The following GRM5 variants were observed in gnomAD, a reference collection of about 807,000 sequenced individuals.
GRM5 encodes metabotropic glutamate receptor 5.
In GRM5, 19 loss-of-function variants were observed where a neutral mutation model predicts 83.1. The observed-to-expected ratio is 0.23, with a 90% CI of 0.16 to 0.34. The LOEUF (loss-of-function observed/expected upper bound fraction) is 0.34. Among genes scored for constraint, GRM5 ranks in the 10% least tolerant of loss-of-function variants. GRM5 has a pLI of 1.00. For synonymous variants in GRM5, 675 were observed against 633.6 expected, an observed-to-expected ratio of 1.07 and a Z score of -0.98; for missense variants, 1,160 against 1,588.3, an observed-to-expected ratio of 0.73 and a Z score of 4.58.
intron 3 of GRM5, among the ~76,000 whole-genome samples, chr11:88,779,848 T>G (rs1232213980): frequency 6.6e-6 from 1 of 152,348 alleles, no homozygotes; most frequent in East Asian, 1.9e-4. Flanking sequence ...TGATGTTTCT[T>G]GCATCCTTCC....
At chr11:88,937,092 T>A (rs1405720646) in intron 2 of GRM5, among the ~76,000 whole-genome samples, 1 of 151,654 alleles carries the variant, frequency 6.6e-6, no homozygotes, top group Non-Finnish European at 1.5e-5. Context: ...TCACTACAAC[T>A]CAAAGTGATC....
intron 1 of GRM5, among the ~76,000 whole-genome samples, chr11:89,058,481 T>C (rs1325645255): frequency 6.6e-6 from 1 of 152,148 alleles, no homozygotes; most frequent in East Asian, 1.9e-4. Flanking sequence ...TACATGAAAG[T>C]TAATCCTGGC....
chr11:88,942,578 T>A (rs1938149405), intron 2 of GRM5, among the ~76,000 whole-genome samples: 1 of 151,996 alleles, frequency 6.6e-6, no homozygotes, highest in Admixed American at 6.6e-5. Context: ...AATTATATAT[T>A]CATAAATTAA....
chr11:88,938,629 T>C (rs1455438392), intron 2 of GRM5, among the ~76,000 whole-genome samples: 2 of 151,322 alleles, frequency 1.3e-5, no homozygotes, highest in African/African-American at 2.4e-5. Context: ...CAGCAAGCAG[T>C]AGAACCAAAT....
At chr11:88,995,571 G>T (rs978118803) in intron 2 of GRM5, among the ~76,000 whole-genome samples, 63 of 122,658 alleles carry the variant, frequency 5.1e-4, no homozygotes, top group Non-Finnish European at 9.3e-4. Flanking sequence ...AAAAAAAAAA[G>T]GCCAGTGAAG....
chr11:88,602,156 C>A (rs1938017721), intron 5 of GRM5, among the ~76,000 whole-genome samples: 1 of 151,816 alleles, frequency 6.6e-6, no homozygotes, highest in Non-Finnish European at 1.5e-5. Context: ...GTGACTGGAA[C>A]TAAATGAGGC....
intron 8 of GRM5, among the ~76,000 whole-genome samples, chr11:88,550,587 C>T: frequency 6.6e-6 from 1 of 152,050 alleles, no homozygotes; most frequent in Middle Eastern, 3.2e-3. Context: ...CAGACGTTGA[C>T]TGGATTATAA....
chr11:88,890,426 T>C (rs908628176), intron 2 of GRM5, among the ~76,000 whole-genome samples: 2 of 152,078 alleles, frequency 1.3e-5, no homozygotes, highest in African/African-American at 2.4e-5. Context: ...AAATGAAAAC[T>C]CTTACAAGTG....
intron 3 of GRM5, among the ~76,000 whole-genome samples, chr11:88,720,079 C>A (rs1941498348): frequency 6.6e-6 from 1 of 151,804 alleles, no homozygotes; most frequent in Non-Finnish European, 1.5e-5. Flanking sequence ...GACTCTCTTC[C>A]CTAAAATATA....
chr11:88,600,992 A>T (rs1937972584), intron 5 of GRM5, among the ~76,000 whole-genome samples: 1 of 152,212 alleles, frequency 6.6e-6, no homozygotes, highest in South Asian at 2.1e-4. Flanking sequence ...AGTTAGTTAG[A>T]CCAAAAATGT....
chr11:88,816,685 C>G (rs1377255680), intron 3 of GRM5, among the ~76,000 whole-genome samples: 2 of 111,376 alleles, frequency 1.8e-5, no homozygotes, highest in African/African-American at 7.3e-5. Context: ...ATCAGTGAAT[C>G]AAAAAAGCTA....
At chr11:88,790,291 A>G (rs10831438) in intron 3 of GRM5, among the ~76,000 whole-genome samples, 79,988 of 152,106 alleles carry the variant, frequency 0.53, 23,882 homozygotes, top group Non-Finnish European at 0.7. Context: ...AACACAGAAC[A>G]TCACACACTG....
At chr11:88,957,882 G>T (rs1466051582) in intron 2 of GRM5, among the ~76,000 whole-genome samples, 1 of 152,104 alleles carries the variant, frequency 6.6e-6, no homozygotes, top group African/African-American at 2.4e-5. Context: ...AGAAAGGGAA[G>T]ATTAGAAATC....
intron 3 of GRM5, among the ~76,000 whole-genome samples, chr11:88,720,815 T>TGC (rs1291205311): frequency 7.3e-6 from 1 of 136,342 alleles, no homozygotes; most frequent in Non-Finnish European, 1.6e-5. Context: ...TGTGTGTGTG[T>TGC]GTGTGCGTGT....
intron 5 of GRM5, among the ~76,000 whole-genome samples, chr11:88,598,948 A>C (rs1200019938): frequency 6.6e-6 from 1 of 152,210 alleles, no homozygotes; most frequent in African/African-American, 2.4e-5. Context: ...CAGTGAGGTT[A>C]ATTAGTACAG....
At chr11:88,595,494 C>T (rs769252281) in intron 6 of GRM5, among the ~76,000 whole-genome samples, 11 of 152,086 alleles carry the variant, frequency 7.2e-5, no homozygotes, top group East Asian at 3.9e-4. Flanking sequence ...AGTGAGAACA[C>T]GTGATGTTTA....
At position 88,509,486 on chromosome 11, in the gene GRM5, G is replaced by C. The variant is rs761906620; in HGVS notation, c.2745C>G (p.Val915=). 2 of 1,611,906 alleles carry C rather than the reference G, an allele frequency of 1.2e-6. No homozygotes were observed. Among genetic ancestry groups the C allele is most frequent in the Non-Finnish European group, 1.7e-6 (2 of 1,179,434 alleles). The change falls in exon 10 of 10, where the codon GTC becomes GTG. Residue 915 remains valine (V), a synonymous_variant. Coordinates refer to ENST00000305447, the MANE Select transcript of GRM5 (RefSeq NM_001143831.3). Reference sequence around the variant, plus strand: ...TGCTCTTCTCATTCTGGGCCCACGTGACGGATTTTCCATTGGAACTGAGGA... The same window carrying C: ...TGCTCTTCTCATTCTGGGCCCACGTCACGGATTTTCCATTGGAACTGAGGA... The part of the protein sequence containing the change: ...ATMSSSNGKS[V]TWAQNEKSSR...
intron 3 of GRM5, among the ~76,000 whole-genome samples, chr11:88,812,440 GA>G (rs1943604108): frequency 6.6e-6 from 1 of 152,132 alleles, no homozygotes; most frequent in African/African-American, 2.4e-5. Flanking sequence ...TTAAGACCTG[GA>G]AATGTTAAAT....
intron 2 of GRM5, among the ~76,000 whole-genome samples, chr11:89,039,333 C>A (rs1427081211): frequency 6.6e-6 from 1 of 151,564 alleles, no homozygotes. Flanking sequence ...AGTAAGATCC[C>A]AATGGCAACT....
Sources: allele counts gnomAD v4.1 joint callset (sites outside exome capture counted in the v4.1 genomes callset), GRCh38; gene constraint gnomAD v4.1.1; transcripts MANE v1.5; gene names NCBI Gene and HGNC (gene_info 2026-07-23, HGNC 2026-07-21).